FRYL: variants seen among roughly 807,000 people sequenced by gnomAD.
FRYL encodes the protein FRY like transcription coactivator, also known as protein furry homolog-like.
Under a neutral mutation model 351.2 loss-of-function variants are expected in FRYL, and 150 were observed. That is an observed-to-expected ratio of 0.43 (90% CI 0.37 to 0.49). FRYL has a LOEUF of 0.49. Ranked by LOEUF, FRYL falls within the 20% of genes least tolerant of loss-of-function variation. The pLI is 0.00. For synonymous variants in FRYL, 1,153 were observed against 1,257.1 expected, an observed-to-expected ratio of 0.92 and a Z score of 1.75; for missense variants, 3,036 against 3,619.3, an observed-to-expected ratio of 0.84 and a Z score of 4.13.
At chr4:48,776,981 G>A (rs1008340636) in intron 1 of FRYL, among the ~76,000 whole-genome samples, 2 of 151,736 alleles carry the variant, frequency 1.3e-5, no homozygotes, top group Non-Finnish European at 2.9e-5. Flanking sequence ...CCTAAGAATC[G>A]TAATTTTGCA....
chr4:48,583,950 C>T (rs908242785), intron 19 of FRYL, among the ~76,000 whole-genome samples: 11 of 151,914 alleles, frequency 7.2e-5, no homozygotes, highest in Non-Finnish European at 1.2e-4. Context: ...CACATAAGTT[C>T]CTAAAGAGAG....
intron 1 of FRYL, among the ~76,000 whole-genome samples, chr4:48,763,973 A>G (rs1774683253): frequency 6.6e-6 from 1 of 152,108 alleles, no homozygotes; most frequent in Admixed American, 6.6e-5. Context: ...GTTCCAGATC[A>G]GCCTGGCCAA....
intron 3 of FRYL, among the ~76,000 whole-genome samples, chr4:48,657,694 T>C (rs1176949749): frequency 2.0e-5 from 3 of 152,196 alleles, no homozygotes; most frequent in Non-Finnish European, 1.5e-5. Flanking sequence ...ATTTGGATAA[T>C]TTCCTTCAAT....
At chr4:48,758,546 A>T (rs895104217) in intron 1 of FRYL, among the ~76,000 whole-genome samples, 3 of 152,242 alleles carry the variant, frequency 2.0e-5, no homozygotes, top group African/African-American at 7.2e-5. Context: ...ATCTCACACC[A>T]GTTAGAATGG....
intron 3 of FRYL, chr4:48,646,150 G>A (rs1164267020): frequency 6.6e-6 from 1 of 152,066 alleles, no homozygotes; most frequent in South Asian, 2.1e-4. Flanking sequence ...CATGATAATG[G>A]ATATTAATAA....
intron 2 of FRYL, among the ~76,000 whole-genome samples, chr4:48,705,599 CGGA>C: frequency 1.4e-5 from 2 of 144,936 alleles, no homozygotes; most frequent in African/African-American, 5.1e-5. Context: ...AGTACTTATA[CGGA>C]GAAGAAAACA....
rs761139427 is a variant in FRYL at position 48,720,229 on chromosome 4, G to A, written c.-383-9531C>T. On this transcript the variant is annotated intron_variant, in intron 1 of 63. Coordinates refer to ENST00000358350, the MANE Select transcript of FRYL (RefSeq NM_015030.2). Reference sequence around the variant, plus strand: ...AATGTACATTAAGGCTGGGCATGGCGGCTCATGCCTGTAATCCCAGCACTT... The same window carrying A: ...AATGTACATTAAGGCTGGGCATGGCAGCTCATGCCTGTAATCCCAGCACTT... Among the ~76,000 whole-genome samples, 28 of 151,856 alleles carry A rather than the reference G, an allele frequency of 1.8e-4. 1 individual carries two copies. Among genetic ancestry groups the A allele is most frequent in the African/African-American group, 3.6e-4 (15 of 41,342 alleles).
At position 48,549,153 on chromosome 4, in the gene FRYL, A is replaced by G. The variant is rs1282888098; in HGVS notation, c.4784+320T>C. Among the ~76,000 whole-genome samples, 1 of 152,206 alleles carries G rather than the reference A, an allele frequency of 6.6e-6. No individual in the cohort carries two copies. The highest frequency in any genetic ancestry group is 1.5e-5 in the Non-Finnish European group (1 of 68,030). ...TTGTGATTTTGCTAAGTAGAATTCA[A>G]TTTAACTCGATGCAAAATAATAGTG... On this transcript the variant is annotated intron_variant, in intron 39 of 63. Coordinates refer to ENST00000358350, the MANE Select transcript of FRYL (RefSeq NM_015030.2). The surrounding 1 kb of genome is among the most constrained non-coding windows in gnomAD (Gnocchi z 4.2).
chr4:48,609,690 T>C, intron 8 of FRYL, 54 bp downstream of exon 8: 1 of 820,364 alleles, frequency 1.2e-6, no homozygotes, highest in South Asian at 1.7e-5. Context: ...CTTAAAATAG[T>C]CTAGACCTGG....
At chr4:48,687,533 C>T (rs973544997) in intron 2 of FRYL, among the ~76,000 whole-genome samples, 34 of 149,540 alleles carry the variant, frequency 2.3e-4, no homozygotes, top group Admixed American at 2.0e-3. Context: ...CGGAAAGCCT[C>T]GCTTCACTTC....
intron 1 of FRYL, among the ~76,000 whole-genome samples, chr4:48,774,888 T>C (rs1285391826): frequency 2.0e-5 from 3 of 152,108 alleles, no homozygotes; most frequent in Non-Finnish European, 4.4e-5. Context: ...AAAGCACAAA[T>C]CCTGGTAAAG....
At chr4:48,519,691 C>T (rs567039473) in intron 55 of FRYL, among the ~76,000 whole-genome samples, 182 of 151,012 alleles carry the variant, frequency 1.2e-3, no homozygotes, top group Middle Eastern at 6.8e-3. Flanking sequence ...TTAGTAGAGA[C>T]GGGGTTTCAC....
At chr4:48,563,587 A>G (rs773303408) in intron 31 of FRYL, among the ~76,000 whole-genome samples, 3 of 152,052 alleles carry the variant, frequency 2.0e-5, no homozygotes, top group Non-Finnish European at 2.9e-5. Context: ...GTGGGAGCCT[A>G]CAGTCCTGGC....
At position 48,507,122 on chromosome 4, in the gene FRYL, T is replaced by C. The variant is rs1721256073; in HGVS notation, c.8395-1507A>G. 3.3e-5 allele frequency among the ~76,000 whole-genome samples: 5 copies of C among 152,316 alleles called. No homozygotes were observed. The South Asian group carries it at 1.0e-3, about 32-fold the overall frequency. The stretch of plus-strand genomic sequence containing the variant: ...TATACTAATAAATTTGAAAATAATT[T>C]CAGTTGATTATTTATTTAATGGCTT... On this transcript the variant is annotated intron_variant, in intron 59 of 63. Transcript: ENST00000358350.
intron 33 of FRYL, among the ~76,000 whole-genome samples, chr4:48,558,926 T>C (rs569191839): frequency 1.4e-4 from 21 of 152,312 alleles, no homozygotes; most frequent in African/African-American, 4.3e-4. Context: ...CTCCTCTCTT[T>C]CCATGCTAGA....
At chr4:48,565,390 T>C in intron 29 of FRYL, 141 bp downstream of exon 29, 6 of 528,834 alleles carry the variant, frequency 1.1e-5, no homozygotes, top group Non-Finnish European at 1.9e-5. Flanking sequence ...TATTTAAATA[T>C]AACTTATGGT....
intron 1 of FRYL, among the ~76,000 whole-genome samples, chr4:48,757,111 C>T (rs1773874072): frequency 6.6e-6 from 1 of 152,066 alleles, no homozygotes; most frequent in South Asian, 2.1e-4. Flanking sequence ...GAAAAAGAAA[C>T]AGAAATGAAC....
intron 15 of FRYL, 55 bp downstream of exon 15, chr4:48,595,535 C>T (rs1436101586): frequency 9.9e-7 from 1 of 1,006,100 alleles, no homozygotes; most frequent in Admixed American, 2.6e-5. Flanking sequence ...CAAGTGATTA[C>T]AATAGATTAC....
chr4:48,680,891 C>T, intron 3 of FRYL: 1 of 833,064 alleles, frequency 1.2e-6, no homozygotes, highest in Non-Finnish European at 1.5e-6. Flanking sequence ...TCCTAAAATA[C>T]TTTTTTAAAG....
Sources: allele counts gnomAD v4.1 joint callset (sites outside exome capture counted in the v4.1 genomes callset), GRCh38; gene constraint gnomAD v4.1.1; non-coding constraint Gnocchi (gnomAD v3.1); transcripts MANE v1.5; gene names NCBI Gene and HGNC (gene_info 2026-07-23, HGNC 2026-07-21).